ITFG1: variants seen among roughly 807,000 people sequenced by gnomAD.
ITFG1 encodes integrin alpha FG-GAP repeat containing 1, also known as T-cell immunomodulatory protein.
ITFG1 carries 34 observed loss-of-function variants against 81.8 expected under a neutral mutation model. That is an observed-to-expected ratio of 0.42 (90% CI 0.32 to 0.55). The LOEUF is 0.55. ITFG1 is among the 20% of genes least tolerant of loss of function. The pLI, the probability that ITFG1 is intolerant of heterozygous loss-of-function variation, is 0.17. For missense variants in ITFG1, 672 were observed against 755.4 expected, an observed-to-expected ratio of 0.89 and a Z score of 1.29; for synonymous variants, 285 against 270.6, an observed-to-expected ratio of 1.05 and a Z score of -0.52.
At chr16:47,156,595 T>A (rs1162869383) in intron 17 of ITFG1, among the ~76,000 whole-genome samples, 1 of 152,170 alleles carries the variant, frequency 6.6e-6, no homozygotes, top group Non-Finnish European at 1.5e-5. Context: ...ATTGTATAAC[T>A]GTAGTTCAAG....
At chr16:47,301,665 G>T (rs139759410) in intron 10 of ITFG1, among the ~76,000 whole-genome samples, 1 of 152,028 alleles carries the variant, frequency 6.6e-6, no homozygotes, top group Admixed American at 6.6e-5. Context: ...CAAAGTACTG[G>T]GATTACAGGC....
intron 5 of ITFG1, among the ~76,000 whole-genome samples, chr16:47,438,576 G>A (rs1218092051): frequency 6.6e-6 from 1 of 152,216 alleles, no homozygotes; most frequent in Admixed American, 6.5e-5. Context: ...GGCAAACAGG[G>A]TCTGGAGTGG....
chr16:47,396,130 G>A (rs2151597494), intron 6 of ITFG1: 1 of 981,754 alleles, frequency 1.0e-6, no homozygotes, highest in East Asian at 1.1e-4. Flanking sequence ...CTTAAGTATA[G>A]TGTGGTGGGT....
chr16:47,383,625 G>T (rs982355261), intron 6 of ITFG1, among the ~76,000 whole-genome samples: 1 of 152,222 alleles, frequency 6.6e-6, no homozygotes, highest in African/African-American at 2.4e-5. Context: ...AAAAGACTGG[G>T]CCGGGCATGG....
chr16:47,406,021 A>G (rs1286101453), intron 6 of ITFG1, among the ~76,000 whole-genome samples: 1 of 152,214 alleles, frequency 6.6e-6, no homozygotes, highest in African/African-American at 2.4e-5. Context: ...ACTTGAAATA[A>G]AACATTTTCC....
At chr16:47,163,514 T>C (rs186910162) in intron 14 of ITFG1, among the ~76,000 whole-genome samples, 2 of 152,350 alleles carry the variant, frequency 1.3e-5, no homozygotes, top group Admixed American at 6.5e-5. Context: ...TTGTTATATA[T>C]ACATTTTGTT....
intron 14 of ITFG1, among the ~76,000 whole-genome samples, chr16:47,184,713 G>A (rs1368926818): frequency 2.0e-5 from 3 of 151,766 alleles, no homozygotes. Context: ...GGAAGAAACT[G>A]CGTCAACTAA....
At position 47,353,598 on chromosome 16, in the gene ITFG1, C is replaced by T. The variant is rs528861229; in HGVS notation, c.802+12190G>A. Reference sequence around the variant, plus strand: ...AAAGATATTCAAATTGGAAAGGAGGCAGTCAAACTGTTCTTGTTTGCAGAT... The same window carrying T: ...AAAGATATTCAAATTGGAAAGGAGGTAGTCAAACTGTTCTTGTTTGCAGAT... On this transcript the variant is annotated intron_variant, in intron 8 of 17. Transcript: ENST00000320640. 2.0e-5 allele frequency among the ~76,000 whole-genome samples: 3 copies of T among 152,132 alleles called. No individual in the cohort carries two copies. In the East Asian group the frequency reaches 5.8e-4, roughly 29 times the overall value.
intron 12 of ITFG1, among the ~76,000 whole-genome samples, chr16:47,250,655 AC>A (rs1966062134): frequency 6.6e-6 from 1 of 152,228 alleles, no homozygotes; most frequent in Non-Finnish European, 1.5e-5. Flanking sequence ...CAAAAACAAA[AC>A]ATATTATTTA....
At chr16:47,181,174 G>A (rs1300595117) in intron 14 of ITFG1, among the ~76,000 whole-genome samples, 11 of 149,520 alleles carry the variant, frequency 7.4e-5, no homozygotes, top group East Asian at 2.0e-4. Flanking sequence ...TGTGAGGAGC[G>A]CCTCTGCCCG....
At chr16:47,261,596 A>G (rs1433314760) in intron 10 of ITFG1, among the ~76,000 whole-genome samples, 1 of 152,212 alleles carries the variant, frequency 6.6e-6, no homozygotes, top group Non-Finnish European at 1.5e-5. Context: ...ATATTCTTTC[A>G]CTTTTCTCTA....
intron 14 of ITFG1, 145 bp downstream of exon 14, chr16:47,218,723 A>G (rs1965656148): frequency 7.2e-6 from 3 of 415,146 alleles, no homozygotes; most frequent in African/African-American, 4.1e-5. Flanking sequence ...TAATCTACCA[A>G]TGTAAGTCTA....
At chr16:47,451,342 A>T in intron 5 of ITFG1, 54 bp downstream of exon 5, 1 of 971,546 alleles carries the variant, frequency 1.0e-6, no homozygotes, top group Non-Finnish European at 1.6e-6. Flanking sequence ...TCCAATGGTT[A>T]AAGTAGAAGC....
intron 6 of ITFG1, among the ~76,000 whole-genome samples, chr16:47,383,279 C>T (rs926815580): frequency 6.6e-6 from 1 of 152,124 alleles, no homozygotes; most frequent in Non-Finnish European, 1.5e-5. Context: ...TCTGACTTCC[C>T]ATCAACTTTC....
At chr16:47,202,055 C>A (rs886331262) in intron 14 of ITFG1, 2 of 152,194 alleles carry the variant, frequency 1.3e-5, no homozygotes, top group South Asian at 4.1e-4. Flanking sequence ...CAGATCAGAA[C>A]ATGCAGGGCT....
At chr16:47,256,491 TGAA>T (rs1381891537) in intron 12 of ITFG1, among the ~76,000 whole-genome samples, 2 of 152,216 alleles carry the variant, frequency 1.3e-5, no homozygotes, top group African/African-American at 4.8e-5. Context: ...GGTGTCCAGT[TGAA>T]GAAGGACAGA....
At chr16:47,268,263 C>CT (rs1196465100) in intron 10 of ITFG1, among the ~76,000 whole-genome samples, 1 of 152,070 alleles carries the variant, frequency 6.6e-6, no homozygotes, top group African/African-American at 2.4e-5. Flanking sequence ...TTATAAAAAA[C>CT]TTTGTGCCAA....
chr16:47,266,227 T>C (rs190963354), intron 10 of ITFG1, among the ~76,000 whole-genome samples: 131 of 152,242 alleles, frequency 8.6e-4, no homozygotes, highest in African/African-American at 3.0e-3. Context: ...TGTTTGTTTT[T>C]GTTTTTTTGT....
At chr16:47,208,956 C>A (rs564453848) in intron 14 of ITFG1, among the ~76,000 whole-genome samples, 1 of 152,212 alleles carries the variant, frequency 6.6e-6, no homozygotes, top group South Asian at 2.1e-4. Context: ...AAAAAATATC[C>A]TTCCTCACAA....
Sources: allele counts gnomAD v4.1 joint callset (sites outside exome capture counted in the v4.1 genomes callset), GRCh38; gene constraint gnomAD v4.1.1; transcripts MANE v1.5; gene names NCBI Gene and HGNC (gene_info 2026-07-23, HGNC 2026-07-21).